LCORL: variants seen among roughly 807,000 people sequenced by gnomAD.
LCORL encodes the protein ligand-dependent nuclear receptor corepressor-like protein.
Under a neutral mutation model 141.8 loss-of-function variants are expected in LCORL, and 41 were observed. The ratio of observed to expected loss-of-function variants is 0.29; its 90% CI spans 0.23 to 0.38. LCORL has a LOEUF of 0.38. LCORL is among the 10% of genes least tolerant of loss of function. The pLI is 1.00. For synonymous variants in LCORL, 618 were observed against 694.1 expected (o/e 0.89, Z 1.72); for missense variants, 1,759 against 2,035.0 (o/e 0.86, Z 2.61).
intron 4 of LCORL, among the ~76,000 whole-genome samples, chr4:17,948,963 G>A (rs929734585): frequency 2.0e-5 from 3 of 152,026 alleles, no homozygotes; most frequent in African/African-American, 7.2e-5. Flanking sequence ...CGTAAGGGCT[G>A]AGAATATGTC....
intron 1 of LCORL, among the ~76,000 whole-genome samples, chr4:17,998,980 AAAAAAATATATATATATATATATACACAC>A (rs1258431429): frequency 0.018 from 1,199 of 67,186 alleles, 9 homozygotes; most frequent in South Asian, 0.098. Context: ...AAAAAAAAAA[AAAAAAATATATATATATATATATACACAC>A]ATATATATAT....
chr4:17,861,739 T>G (rs1380232939), intron 7 of LCORL, among the ~76,000 whole-genome samples: 1 of 152,180 alleles, frequency 6.6e-6, no homozygotes, highest in African/African-American at 2.4e-5. Context: ...GCACCCAAGT[T>G]TCCTCTTGAA....
At chr4:17,983,797 A>G (rs1480244740) in intron 1 of LCORL, among the ~76,000 whole-genome samples, 1 of 152,106 alleles carries the variant, frequency 6.6e-6, no homozygotes, top group Non-Finnish European at 1.5e-5. Flanking sequence ...AGCATTTCCA[A>G]TATTATGTTG....
intron 4 of LCORL, among the ~76,000 whole-genome samples, chr4:17,954,916 C>T (rs370688376): frequency 1.4e-4 from 22 of 152,124 alleles, no homozygotes; most frequent in African/African-American, 4.6e-4. Context: ...CTATTAGCCA[C>T]TGTAGTGAAG....
intron 1 of LCORL, among the ~76,000 whole-genome samples, chr4:17,974,728 A>T (rs939618537): frequency 3.9e-5 from 6 of 152,136 alleles, no homozygotes. Context: ...TATTAGTCAG[A>T]CTTGGAGCTC....
chr4:17,852,647 A>G (rs546737453), intron 7 of LCORL, among the ~76,000 whole-genome samples: 6 of 152,194 alleles, frequency 3.9e-5, no homozygotes, highest in Non-Finnish European at 7.4e-5. Flanking sequence ...TGAAATGGTT[A>G]CGTAGGCATC....
chr4:18,001,019 G>A (rs1304093082), intron 1 of LCORL, among the ~76,000 whole-genome samples: 1 of 152,186 alleles, frequency 6.6e-6, no homozygotes, highest in Non-Finnish European at 1.5e-5. Context: ...TCCAAAAAGA[G>A]TTCAAGCTGA....
chr4:17,998,120 G>GA (rs1721203477), intron 1 of LCORL, among the ~76,000 whole-genome samples: 1 of 151,982 alleles, frequency 6.6e-6, no homozygotes, highest in Non-Finnish European at 1.5e-5. Context: ...TCTAAACATA[G>GA]AAAAGAACAA....
intron 7 of LCORL, among the ~76,000 whole-genome samples, chr4:17,855,318 G>A (rs1401141761): frequency 2.6e-5 from 4 of 151,934 alleles, no homozygotes; most frequent in African/African-American, 9.7e-5. Flanking sequence ...TTTATAAAAA[G>A]AATAAAAATA....
intron 5 of LCORL, among the ~76,000 whole-genome samples, chr4:17,891,189 C>A (rs1340477534): frequency 6.6e-6 from 1 of 152,092 alleles, no homozygotes; most frequent in Non-Finnish European, 1.5e-5. Flanking sequence ...GTTCTCACAA[C>A]AACCGGATGG....
intron 1 of LCORL, among the ~76,000 whole-genome samples, chr4:17,995,565 C>A (rs1368220891): frequency 6.6e-6 from 1 of 152,076 alleles, no homozygotes; most frequent in Non-Finnish European, 1.5e-5. Context: ...ACTGATTTCC[C>A]TAATTTATAC....
intron 4 of LCORL, among the ~76,000 whole-genome samples, chr4:17,935,791 T>C (rs1257677235): frequency 6.6e-6 from 1 of 152,198 alleles, no homozygotes; most frequent in African/African-American, 2.4e-5. Flanking sequence ...TATTCCTTTA[T>C]GGCAATGCAA....
intron 4 of LCORL, chr4:17,912,498 C>A (rs950063441): frequency 2.0e-6 from 1 of 505,174 alleles, no homozygotes; most frequent in South Asian, 1.6e-5. Context: ...AGGAACTAGA[C>A]AGGTTACTGG....
intron 7 of LCORL, among the ~76,000 whole-genome samples, chr4:17,870,806 T>C (rs1231375743): frequency 6.6e-6 from 1 of 152,186 alleles, no homozygotes; most frequent in Non-Finnish European, 1.5e-5. Flanking sequence ...AAGAATAGAA[T>C]GGGATTGCAT....
chr4:17,943,776 T>A (rs1738369177), intron 4 of LCORL, among the ~76,000 whole-genome samples: 1 of 152,158 alleles, frequency 6.6e-6, no homozygotes, highest in Admixed American at 6.6e-5. Context: ...TCATAGGACC[T>A]TTGGTTTTTA....
intron 7 of LCORL, among the ~76,000 whole-genome samples, chr4:17,870,735 T>C (rs1726246458): frequency 6.6e-6 from 1 of 152,184 alleles, no homozygotes. Flanking sequence ...AAAGGAACTA[T>C]TTGAACCTTC....
At chr4:17,939,879 T>TACACACACACACACACAC (rs143670453) in intron 4 of LCORL, among the ~76,000 whole-genome samples, 4,611 of 147,808 alleles carry the variant, frequency 0.031, 88 homozygotes, top group African/African-American at 0.061. Flanking sequence ...TAGGTACATG[T>TACACACACACACACACAC]ACACACACAC....
At chr4:17,873,551 G>T in exon 7 of LCORL, 1 of 1,232,778 alleles carries the variant, frequency 8.1e-7, no homozygotes, top group Non-Finnish European at 1.0e-6. Context: ...TAACACATTT[G>T]CTTAATTTAC....
At chr4:17,991,778 A>T (rs1461727838) in intron 1 of LCORL, among the ~76,000 whole-genome samples, 1 of 152,134 alleles carries the variant, frequency 6.6e-6, no homozygotes, top group East Asian at 1.9e-4. Flanking sequence ...CTGGACAAAA[A>T]TTTCAAGCAT....
Sources: allele counts gnomAD v4.1 joint callset (sites outside exome capture counted in the v4.1 genomes callset), GRCh38; gene constraint gnomAD v4.1.1; transcripts MANE v1.5; gene names NCBI Gene and HGNC (gene_info 2026-07-23, HGNC 2026-07-21).